The following RARB variants were observed in gnomAD, a reference collection of about 807,000 sequenced individuals.
RARB encodes the protein HBV-activated protein.
A neutral mutation model predicts 51.9 loss-of-function variants in RARB; 17 were observed. The observed-to-expected ratio is 0.33, with a 90% CI of 0.22 to 0.49. The LOEUF (loss-of-function observed/expected upper bound fraction) is 0.49, where lower values mean the gene tolerates loss of function less well. RARB is among the 20% of genes least tolerant of loss of function. RARB has a pLI of 0.99. For synonymous variants in RARB, 215 were observed against 195.4 expected, an observed-to-expected ratio of 1.10 and a Z score of -0.84; for missense variants, 369 against 550.8, an observed-to-expected ratio of 0.67 and a Z score of 3.30.
At chr3:25,560,844 AC>A (rs1399404786) in intron 3 of RARB, among the ~76,000 whole-genome samples, 1 of 151,876 alleles carries the variant, frequency 6.6e-6, no homozygotes, top group East Asian at 1.9e-4. Context: ...TGAAGGGAGA[AC>A]CCCTCATGCT....
chr3:25,235,178 C>T (rs1702274382), intron 5 of RARB, among the ~76,000 whole-genome samples: 1 of 152,106 alleles, frequency 6.6e-6, no homozygotes, highest in African/African-American at 2.4e-5. Flanking sequence ...TTTTTACTTC[C>T]TTATTATCTG....
intron 5 of RARB, among the ~76,000 whole-genome samples, chr3:25,356,376 TTCTTAGTG>T (rs1254343697): frequency 6.6e-6 from 1 of 152,140 alleles, no homozygotes; most frequent in Non-Finnish European, 1.5e-5. Flanking sequence ...ACATTAAATA[TTCTTAGTG>T]TTTTGATAAA....
At chr3:24,986,220 T>C (rs1443442616) in intron 2 of RARB, among the ~76,000 whole-genome samples, 1 of 152,196 alleles carries the variant, frequency 6.6e-6, no homozygotes, top group Non-Finnish European at 1.5e-5. Flanking sequence ...TGGAGGTGAA[T>C]AAAATAGAAC....
chr3:24,847,865 AGCAAG>A (rs1328829562), intron 1 of RARB, among the ~76,000 whole-genome samples: 1 of 152,230 alleles, frequency 6.6e-6, no homozygotes, highest in African/African-American at 2.4e-5. Context: ...TACTTTGAGT[AGCAAG>A]GCAGTAGAGC....
chr3:25,179,746 C>T (rs1700825422), intron 5 of RARB, among the ~76,000 whole-genome samples: 1 of 152,108 alleles, frequency 6.6e-6, no homozygotes, highest in South Asian at 2.1e-4. Flanking sequence ...ATTTAAGAGG[C>T]CATTCCTTAA....
intron 2 of RARB, among the ~76,000 whole-genome samples, chr3:24,971,170 G>C (rs1329036081): frequency 1.3e-5 from 2 of 151,880 alleles, no homozygotes; most frequent in African/African-American, 4.8e-5. Flanking sequence ...TAATGTGCTA[G>C]GTAACATGCC....
chr3:24,991,875 T>C (rs941702005), intron 2 of RARB, among the ~76,000 whole-genome samples: 6 of 151,964 alleles, frequency 3.9e-5, no homozygotes, highest in African/African-American at 1.5e-4. Flanking sequence ...ACCAGTCTGT[T>C]CCCTATCTCC....
intron 4 of RARB, among the ~76,000 whole-genome samples, chr3:25,137,911 C>T (rs1225091231): frequency 6.6e-6 from 1 of 152,068 alleles, no homozygotes; most frequent in East Asian, 1.9e-4. Context: ...GAAGATTCTG[C>T]TTTTGAAATA....
chr3:24,976,058 T>C (rs896737300), intron 2 of RARB, among the ~76,000 whole-genome samples: 23 of 152,166 alleles, frequency 1.5e-4, no homozygotes, highest in Non-Finnish European at 2.5e-4. Context: ...CAGAGAATGA[T>C]GGTTTCCAGC....
At position 25,596,593 on chromosome 3, in the gene RARB, A is replaced by G. The variant is rs1286385476; in HGVS notation, c.1324A>G (p.Ser442Gly). 2 of 1,609,672 alleles carry G rather than the reference A, an allele frequency of 1.2e-6. No individual in the cohort carries two copies. Among genetic ancestry groups the G allele is most frequent in the Non-Finnish European group, 1.7e-6 (2 of 1,176,642 alleles). The change falls in exon 8 of 8, where the codon AGT (serine) becomes GGT (glycine). Residue 442 changes from serine (S) to glycine (G), a missense_variant. This residue lies in a region of RARB where 54 missense variants were observed against 43.4 expected (regional missense o/e 1.24). Coordinates refer to ENST00000330688, the MANE Select transcript of RARB (RefSeq NM_000965.5). ...SPSSVENSGV[S>G]QSPLVQ Reference sequence around the variant, plus strand: ...CAGCTCAGTGGAAAACAGTGGGGTCAGTCAGTCACCACTCGTGCAATAAGA... The same window carrying G: ...CAGCTCAGTGGAAAACAGTGGGGTCGGTCAGTCACCACTCGTGCAATAAGA...
chr3:25,207,844 G>T (rs1244915975), intron 5 of RARB, among the ~76,000 whole-genome samples: 1 of 152,156 alleles, frequency 6.6e-6, no homozygotes, highest in Non-Finnish European at 1.5e-5. Flanking sequence ...ACTGAAACTA[G>T]GTAATTTATA....
intron 1 of RARB, among the ~76,000 whole-genome samples, chr3:25,445,152 G>A (rs1708874097): frequency 6.6e-6 from 1 of 152,026 alleles, no homozygotes; most frequent in African/African-American, 2.4e-5. Context: ...ATTTCACTGT[G>A]TTGCCCAGGC....
At chr3:25,396,799 C>T (rs373759204) in intron 5 of RARB, among the ~76,000 whole-genome samples, 1 of 152,044 alleles carries the variant, frequency 6.6e-6, no homozygotes, top group East Asian at 1.9e-4. Context: ...TCATACAGGT[C>T]ACCAGGGAAG....
At chr3:25,246,693 G>T (rs1434553398) in intron 5 of RARB, among the ~76,000 whole-genome samples, 1 of 152,146 alleles carries the variant, frequency 6.6e-6, no homozygotes, top group Non-Finnish European at 1.5e-5. Context: ...CCCTCTGGAA[G>T]TTTGGTCCCA....
chr3:25,239,285 A>T (rs781428486), intron 5 of RARB, among the ~76,000 whole-genome samples: 3 of 152,112 alleles, frequency 2.0e-5, no homozygotes, highest in East Asian at 1.9e-4. Context: ...TCCTCTGCTG[A>T]TCAGAAGCTT....
At chr3:25,491,172 T>C (rs1486519427) in intron 2 of RARB, among the ~76,000 whole-genome samples, 5 of 152,180 alleles carry the variant, frequency 3.3e-5, no homozygotes, top group African/African-American at 1.2e-4. Context: ...CTTTAAGATA[T>C]CCTCTTGAAA....
At chr3:24,898,481 A>G (rs1318684676) in intron 2 of RARB, among the ~76,000 whole-genome samples, 2 of 152,046 alleles carry the variant, frequency 1.3e-5, no homozygotes, top group Non-Finnish European at 2.9e-5. Context: ...ATATCAAGAT[A>G]GAAATTTTAA....
intron 5 of RARB, among the ~76,000 whole-genome samples, chr3:25,392,817 A>G (rs1707004582): frequency 6.6e-6 from 1 of 152,122 alleles, no homozygotes; most frequent in African/African-American, 2.4e-5. Context: ...CTAGGTATAC[A>G]ATCATCTCAT....
At chr3:25,365,617 T>A (rs1027047317) in intron 5 of RARB, among the ~76,000 whole-genome samples, 3 of 152,068 alleles carry the variant, frequency 2.0e-5, no homozygotes, top group Non-Finnish European at 2.9e-5. Flanking sequence ...AGCAAAAAAA[T>A]GTCCAAAGTC....
Sources: allele counts gnomAD v4.1 joint callset (sites outside exome capture counted in the v4.1 genomes callset), GRCh38; gene constraint gnomAD v4.1.1; regional missense constraint gnomAD v4.1.1; transcripts MANE v1.5; gene names NCBI Gene and HGNC (gene_info 2026-07-23, HGNC 2026-07-21).